RHOT1: variants seen among roughly 807,000 people sequenced by gnomAD.
RHOT1 encodes the protein ras homolog family member T1, also known as mitochondrial Rho GTPase 1.
Under a neutral mutation model 95.3 loss-of-function variants are expected in RHOT1, and 27 were observed. The ratio of observed to expected loss-of-function variants is 0.28; its 90% CI spans 0.21 to 0.39. The LOEUF (loss-of-function observed/expected upper bound fraction) is 0.39. Among genes scored for constraint, RHOT1 ranks in the 10% least tolerant of loss-of-function variants. The pLI, the probability that RHOT1 is intolerant of heterozygous loss-of-function variation, is 1.00. For missense variants in RHOT1, 578 were observed against 786.7 expected, an observed-to-expected ratio of 0.73 and a Z score of 3.17; for synonymous variants, 227 against 263.5, an observed-to-expected ratio of 0.86 and a Z score of 1.34.
At chr17:32,203,269 CTTTTTTTTTTTTT>C (rs940216011) in intron 15 of RHOT1, among the ~76,000 whole-genome samples, 1 of 72,328 alleles carries the variant, frequency 1.4e-5, no homozygotes, top group Non-Finnish European at 2.5e-5. Context: ...TCTTCTTCTT[CTTTTTTTTTTTTT>C]TTTTTTTTTT....
chr17:32,142,978 C>T (rs762200051), intron 1 of RHOT1: 2 of 712,866 alleles, frequency 2.8e-6, no homozygotes, highest in South Asian at 1.5e-5. Context: ...TCCCTGTTCC[C>T]CAGCCGTCCT....
chr17:32,207,291 C>G (rs1289789943), intron 17 of RHOT1: 8 of 331,532 alleles, frequency 2.4e-5, no homozygotes, highest in Non-Finnish European at 4.4e-5. Flanking sequence ...AAGCTCTTCC[C>G]AGCTGTTAAA....
chr17:32,167,548 C>T (rs561613694), intron 1 of RHOT1, among the ~76,000 whole-genome samples: 1 of 152,262 alleles, frequency 6.6e-6, no homozygotes, highest in Non-Finnish European at 1.5e-5. Context: ...GCGTGAGCCA[C>T]CATGCCCGGC....
At chr17:32,184,456 C>T (rs1196006263) in intron 8 of RHOT1, among the ~76,000 whole-genome samples, 2 of 151,660 alleles carry the variant, frequency 1.3e-5, no homozygotes, top group Non-Finnish European at 2.9e-5. Context: ...TATGGATAAA[C>T]CATGTTTTTG....
intron 11 of RHOT1, among the ~76,000 whole-genome samples, chr17:32,195,105 G>A (rs1410156010): frequency 6.0e-5 from 9 of 150,712 alleles, no homozygotes; most frequent in Non-Finnish European, 7.4e-5. Flanking sequence ...GATTACAGGC[G>A]TGAGCCACTG....
intron 15 of RHOT1, among the ~76,000 whole-genome samples, chr17:32,203,272 T>C (rs113145713): frequency 9.3e-4 from 69 of 73,906 alleles, no homozygotes; most frequent in South Asian, 2.6e-3. Flanking sequence ...TCTTCTTCTT[T>C]TTTTTTTTTT....
At chr17:32,164,484 G>C (rs887237531) in intron 1 of RHOT1, among the ~76,000 whole-genome samples, 1 of 151,728 alleles carries the variant, frequency 6.6e-6, no homozygotes, top group Non-Finnish European at 1.5e-5. Flanking sequence ...CGCCCACCTC[G>C]GCCTCCCAAA....
intron 17 of RHOT1, among the ~76,000 whole-genome samples, chr17:32,207,854 GT>G (rs769166272): frequency 6.6e-5 from 10 of 151,906 alleles, no homozygotes; most frequent in East Asian, 1.9e-4. Flanking sequence ...TTAATTACAT[GT>G]TTTTTTTAAT....
At chr17:32,168,649 T>C (rs888427712) in intron 1 of RHOT1, among the ~76,000 whole-genome samples, 9 of 149,290 alleles carry the variant, frequency 6.0e-5, no homozygotes, top group Non-Finnish European at 1.0e-4. Flanking sequence ...TTATATATTT[T>C]ATATATACGC....
intron 19 of RHOT1, among the ~76,000 whole-genome samples, chr17:32,212,839 A>T (rs1210592065): frequency 6.6e-6 from 1 of 152,124 alleles, no homozygotes; most frequent in Admixed American, 6.5e-5. Context: ...CAGGTAGAAC[A>T]TCCCCATTTC....
chr17:32,222,802 G>A (rs188779553), intron 19 of RHOT1: 33 of 972,476 alleles, frequency 3.4e-5, no homozygotes, highest in Non-Finnish European at 3.8e-5. Flanking sequence ...GCTGTTAGCA[G>A]ACGATGAGGG....
At chr17:32,186,872 A>C (rs1392479561) in intron 8 of RHOT1, among the ~76,000 whole-genome samples, 2 of 152,128 alleles carry the variant, frequency 1.3e-5, no homozygotes, top group African/African-American at 4.8e-5. Context: ...GAGTTGCCCA[A>C]GGTGGTCTTG....
chr17:32,210,678 T>A (rs1182318068), intron 18 of RHOT1, among the ~76,000 whole-genome samples: 1 of 152,182 alleles, frequency 6.6e-6, no homozygotes, highest in Non-Finnish European at 1.5e-5. Flanking sequence ...TTTTCAGGCA[T>A]GTGTGTATGC....
chr17:32,222,832 C>CA (rs2038915660), intron 19 of RHOT1: 1 of 985,258 alleles, frequency 1.0e-6, no homozygotes, highest in Non-Finnish European at 1.2e-6. Flanking sequence ...TCACCAGGTG[C>CA]ATGCTGTCAG....
intron 1 of RHOT1, among the ~76,000 whole-genome samples, chr17:32,162,223 C>T (rs1567663488): frequency 6.6e-6 from 1 of 152,198 alleles, no homozygotes; most frequent in East Asian, 1.9e-4. Flanking sequence ...TTGCCCCCTC[C>T]TCCCCACGTG....
intron 2 of RHOT1, 117 bp downstream of exon 2, chr17:32,171,218 C>CT (rs2034545362): frequency 4.1e-5 from 27 of 659,528 alleles, no homozygotes; most frequent in Non-Finnish European, 5.3e-5. Flanking sequence ...ACAGTTGAGA[C>CT]TTTTTTTTCT....
chr17:32,151,220 A>G, intron 1 of RHOT1: 1 of 745,036 alleles, frequency 1.3e-6, no homozygotes, highest in Non-Finnish European at 2.5e-6. Context: ...CTGGCTAAAC[A>G]GAGCTTCTAG....
At chr17:32,151,812 G>A (rs552479029) in intron 1 of RHOT1, among the ~76,000 whole-genome samples, 1 of 151,446 alleles carries the variant, frequency 6.6e-6, no homozygotes, top group Admixed American at 6.6e-5. Flanking sequence ...AACCCGGGAG[G>A]CGGAGGTTGC....
intron 18 of RHOT1, among the ~76,000 whole-genome samples, chr17:32,210,240 G>T (rs983981415): frequency 1.3e-5 from 2 of 152,148 alleles, no homozygotes; most frequent in Admixed American, 6.5e-5. Context: ...TTCATGGGTG[G>T]TGTGATGGCT....
Sources: gnomAD v4.1 joint callset for allele counts (sites outside exome capture counted in the v4.1 genomes callset) on GRCh38, gnomAD v4.1.1 for gene constraint, MANE v1.5 for transcripts, NCBI Gene and HGNC (gene_info 2026-07-23, HGNC 2026-07-21) for gene names.